Variants in GATB observed in about 807,000 individuals in gnomAD.
GATB encodes the protein glutamyl-tRNA amidotransferase subunit B.
In GATB, 39 loss-of-function variants were observed where a neutral mutation model predicts 62.3. That is an observed-to-expected ratio of 0.63 (90% CI 0.48 to 0.82). The LOEUF is 0.82. Among genes scored for constraint, GATB ranks in the 40% least tolerant of loss-of-function variants. The pLI is 0.00. For synonymous variants in GATB, 276 were observed against 258.9 expected, an observed-to-expected ratio of 1.07 and a Z score of -0.63; for missense variants, 670 against 684.0, an observed-to-expected ratio of 0.98 and a Z score of 0.23.
At chr4:151,691,411 G>A (rs1738364241) in intron 9 of GATB, among the ~76,000 whole-genome samples, 2 of 152,170 alleles carry the variant, frequency 1.3e-5, no homozygotes, top group South Asian at 4.1e-4. Context: ...TGACTGGGAA[G>A]CATCTTTTTC....
intron 2 of GATB, among the ~76,000 whole-genome samples, chr4:151,741,820 T>C (rs1442793437): frequency 2.0e-5 from 3 of 152,228 alleles, no homozygotes; most frequent in Non-Finnish European, 4.4e-5. Context: ...TGAGATGGCA[T>C]CATCATTTCT....
chr4:151,715,473 G>A (rs1030410101), intron 5 of GATB, among the ~76,000 whole-genome samples: 2 of 152,142 alleles, frequency 1.3e-5, no homozygotes, highest in African/African-American at 2.4e-5. Flanking sequence ...GGGTGCAGGT[G>A]TTTCTTTTAT....
In GATB at chr4:151,758,755, T is replaced by G. The variant is rs1739889307; in HGVS notation, c.327+17A>C. Reference sequence around the variant, plus strand: ...AAACATTTTTCTAATGAAAATAGGATTAAATAAGAATCTTACCGGCAAAGT... The same window carrying G: ...AAACATTTTTCTAATGAAAATAGGAGTAAATAAGAATCTTACCGGCAAAGT... On this transcript the variant is annotated intron_variant, in intron 2 of 12. Transcript: ENST00000263985. 1.3e-6 allele frequency: 2 copies of G among 1,523,866 alleles called. No individual in the cohort carries two copies. Among genetic ancestry groups the G allele is most frequent in the East Asian group, 4.6e-5 (2 of 43,166 alleles). 94.4% of individuals were successfully genotyped at this position (1,523,866 alleles called of 1,614,324 possible). A position where few individuals can be genotyped will look rare whatever the true frequency, so the allele number is the denominator to read the frequency against.
chr4:151,746,436 A>G (rs1739595015), intron 2 of GATB, among the ~76,000 whole-genome samples: 3 of 152,262 alleles, frequency 2.0e-5, no homozygotes, highest in African/African-American at 7.2e-5. Context: ...GGAAATAACT[A>G]ACTTTAAGCA....
intron 2 of GATB, among the ~76,000 whole-genome samples, chr4:151,740,534 T>C (rs983682681): frequency 6.6e-6 from 1 of 152,236 alleles, no homozygotes; most frequent in Non-Finnish European, 1.5e-5. Context: ...TAGGAATTTT[T>C]CAGCTCCACT....
intron 12 of GATB, 123 bp from the exon 13 acceptor site, chr4:151,671,425 T>C (rs1737857516): frequency 1.1e-6 from 1 of 932,530 alleles, no homozygotes. Context: ...GTATTAGACA[T>C]AAAATGTAGA....
intron 2 of GATB, among the ~76,000 whole-genome samples, chr4:151,750,544 C>T (rs943628513): frequency 1.3e-5 from 2 of 152,084 alleles, no homozygotes; most frequent in East Asian, 3.9e-4. Context: ...TGAGAGATAA[C>T]TGAGATAAGT....
At chr4:151,736,190 G>A (rs868643266) in intron 2 of GATB, among the ~76,000 whole-genome samples, 3 of 152,150 alleles carry the variant, frequency 2.0e-5, no homozygotes, top group Non-Finnish European at 4.4e-5. Flanking sequence ...AGGCCCTTGT[G>A]TATGTAATCA....
At chr4:151,716,304 G>A in intron 4 of GATB, 173 bp from the exon 5 acceptor site, 1 of 641,990 alleles carries the variant, frequency 1.6e-6, no homozygotes, top group Non-Finnish European at 2.5e-6. Context: ...TTTTAAAGAG[G>A]CGTCATCTTG....
intron 2 of GATB, chr4:151,720,456 CAATA>C (rs1422745646): frequency 2.0e-5 from 3 of 152,126 alleles, no homozygotes; most frequent in African/African-American, 4.8e-5. Context: ...GGTAGAGATT[CAATA>C]AATAGTTCAT....
At chr4:151,722,208 T>G (rs1271048839) in intron 2 of GATB, 2 of 702,294 alleles carry the variant, frequency 2.8e-6, no homozygotes, top group Non-Finnish European at 5.2e-6. Flanking sequence ...ACTTGGGCTG[T>G]CTTCACTCTG....
intron 2 of GATB, among the ~76,000 whole-genome samples, chr4:151,758,176 G>C (rs1739875398): frequency 1.3e-5 from 2 of 152,158 alleles, no homozygotes; most frequent in African/African-American, 4.8e-5. Flanking sequence ...ATCATTACTG[G>C]CCTTACACTG....
chr4:151,758,893 A>C lies in GATB; in HGVS notation c.206T>G (p.Leu69Trp). Residue 69 changes from leucine to tryptophan, a missense_variant, in exon 2 of 13, where the codon TTG becomes TGG. Transcript: ENST00000263985. ...GEHKWAAVVG[L>W]EIHAQISSNS... The stretch of plus-strand genomic sequence containing the variant: ...GGAGGAAATCTGGGCATGAATTTCC[A>C]AACCTACCACAGCAGCCCATTTGTG... 6.2e-7 allele frequency: 1 copy of C among 1,611,284 alleles called. No individual in the cohort carries two copies. Among genetic ancestry groups the C allele is most frequent in the Non-Finnish European group, 8.5e-7 (1 of 1,178,504 alleles).
intron 3 of GATB, 68 bp downstream of exon 3, chr4:151,719,357 G>A (rs1049526510): frequency 1.4e-5 from 16 of 1,125,788 alleles, no homozygotes; most frequent in African/African-American, 3.1e-5. Context: ...CCCTTGCTCC[G>A]ACCCCCCACA....
intron 2 of GATB, among the ~76,000 whole-genome samples, chr4:151,738,653 C>CT (rs1423976060): frequency 6.6e-6 from 1 of 152,180 alleles, no homozygotes; most frequent in East Asian, 1.9e-4. Context: ...ATTAACTTCT[C>CT]TGCACAGATG....
At chr4:151,739,668 G>A (rs1739447256) in intron 2 of GATB, among the ~76,000 whole-genome samples, 1 of 152,148 alleles carries the variant, frequency 6.6e-6, no homozygotes, top group Admixed American at 6.5e-5. Context: ...TGTGACACTG[G>A]CTTCATGCTT....
In GATB at chr4:151,717,051, C is replaced by T. The variant is rs747668201; in HGVS notation, c.465G>A (p.Gln155=). ...TCCCATTCACAGCAATTGGGAGCCT[C>T]TGCTGGGTAATTTGGTAGCCTGCCT... The part of the protein sequence containing the change: ...DLPAGYQITQ[Q]RLPIAVNGSL... The change falls in exon 4 of 13, where the codon CAG becomes CAA. Residue 155 remains glutamine, a synonymous_variant. Coordinates refer to ENST00000263985, the MANE Select transcript of GATB (RefSeq NM_004564.3). 1.2e-6 allele frequency: 2 copies of T among 1,614,176 alleles called. No individual in the cohort carries two copies. The highest frequency in any genetic ancestry group is 2.2e-5 in the South Asian group (2 of 91,070).
At chr4:151,718,389 G>T (rs963616604) in intron 3 of GATB, among the ~76,000 whole-genome samples, 14 of 152,248 alleles carry the variant, frequency 9.2e-5, no homozygotes, top group South Asian at 2.1e-4. Context: ...TGGATTATTT[G>T]AACTATCTGG....
At chr4:151,706,477 C>T (rs946090879) in intron 6 of GATB, among the ~76,000 whole-genome samples, 5 of 152,322 alleles carry the variant, frequency 3.3e-5, no homozygotes, top group Non-Finnish European at 5.9e-5. Flanking sequence ...TCCTCCTCAC[C>T]AACTTGGCTT....
Sources: gnomAD v4.1 joint callset for allele counts (sites outside exome capture counted in the v4.1 genomes callset) on GRCh38, gnomAD v4.1.1 for gene constraint, MANE v1.5 for transcripts, NCBI Gene and HGNC (gene_info 2026-07-23, HGNC 2026-07-21) for gene names.